ITPR3: variants seen among roughly 807,000 people sequenced by gnomAD.
The protein encoded by ITPR3 is inositol 1,4,5-trisphosphate receptor type 3, also known as inositol 1,4,5-trisphosphate-gated calcium channel ITPR3.
In ITPR3, 173 loss-of-function variants were observed where a neutral mutation model predicts 293.2. The ratio of observed to expected loss-of-function variants is 0.59; its 90% CI spans 0.52 to 0.67. ITPR3 has a LOEUF of 0.67. ITPR3 is among the 30% of genes least tolerant of loss of function. The pLI, the probability that ITPR3 is intolerant of heterozygous loss-of-function variation, is 0.00. For missense variants in ITPR3, 2,796 were observed against 3,592.1 expected (o/e 0.78, Z 5.66); for synonymous variants, 1,295 against 1,444.4 (o/e 0.90, Z 2.35).
At position 33,694,976 on chromosome 6, in the gene ITPR3, A is replaced by G. The variant is rs779401104; in HGVS notation, c.7838A>G (p.Asn2613Ser). Residue 2613 changes from asparagine to serine, a missense_variant, in exon 57 of 58, where the codon AAT becomes AGT. Asn to Ser is a conservative substitution (Grantham distance 46). This residue lies in a region of ITPR3 where 568 missense variants were observed against 796.1 expected (regional missense o/e 0.71). Coordinates refer to ENST00000605930, the MANE Select transcript of ITPR3 (RefSeq NM_002224.4). ...ATGCGGGCCATGTCCCTTGTCAGCA[A>G]TGAGGGCGAGGGGGAGCAGAATGAG... ...PRMRAMSLVSNEGEGEQNEIR... is the reference protein window; with the variant it reads ...PRMRAMSLVSSEGEGEQNEIR... The G allele has an allele frequency of 1.5e-5, 25 of 1,614,032 alleles. No homozygotes were observed. Among genetic ancestry groups the G allele is most frequent in the Admixed American group, 5.0e-5 (3 of 60,004 alleles).
intron 57 of ITPR3, chr6:33,695,504 TC>T (rs1241202327): frequency 8.4e-6 from 5 of 594,476 alleles, no homozygotes; most frequent in Non-Finnish European, 9.0e-6. Flanking sequence ...CTGCATCAAA[TC>T]CAGGGTTTGT....
In ITPR3 at chr6:33,655,651, G is replaced by A; in HGVS notation, c.161-115G>A. ...ACCGCTTCCTCTCTACCTGCAGCGGGGAACGGGGGTGGGGAAGGGTTGGGA... is the reference window on the plus strand; with the variant it reads ...ACCGCTTCCTCTCTACCTGCAGCGGAGAACGGGGGTGGGGAAGGGTTGGGA... On this transcript the variant is annotated intron_variant, in intron 2 of 57. Coordinates refer to ENST00000605930, the MANE Select transcript of ITPR3 (RefSeq NM_002224.4). The surrounding 1 kb of genome is among the most constrained non-coding windows in gnomAD (Gnocchi z 4.9). The A allele has an allele frequency of 2.2e-6, 3 of 1,372,432 alleles. No individual in the cohort carries two copies. Among genetic ancestry groups the A allele is most frequent in the Non-Finnish European group, 3.0e-6 (3 of 997,312 alleles). The allele number at this position is 1,372,432 out of a possible 1,614,324, so 85.0% of individuals were successfully genotyped here.
Position 33,692,590 on chromosome 6 carries a change from C to T in ITPR3, c.7459-138C>T. On this transcript the variant is annotated intron_variant, in intron 54 of 57. Coordinates refer to ENST00000605930, the MANE Select transcript of ITPR3 (RefSeq NM_002224.4). The surrounding 1 kb of genome is among the most constrained non-coding windows in gnomAD (Gnocchi z 4.2). The stretch of plus-strand genomic sequence containing the variant: ...GGGTCCACTCTGCCATCTGATGGCC[C>T]CCAGGCCAGAGGCCCTCATTTCCTT... 1.3e-6 allele frequency: 1 copy of T among 774,936 alleles called. No individual in the cohort carries two copies. Among genetic ancestry groups the T allele is most frequent in the Non-Finnish European group, 2.0e-6 (1 of 490,648 alleles). 48.0% of individuals were successfully genotyped at this position (774,936 alleles called of 1,614,324 possible). A position where few individuals can be genotyped will look rare whatever the true frequency, so the allele number is the denominator to read the frequency against.
At chr6:33,686,643 GCAT>G in intron 43 of ITPR3, 124 bp downstream of exon 43, 3 of 757,204 alleles carry the variant, frequency 4.0e-6, no homozygotes, top group Admixed American at 1.9e-5. Context: ...GTGTGATGGG[GCAT>G]CATCTGGATG....
chr6:33,684,473 C>G lies in ITPR3; in HGVS notation c.5046+8C>G. Reference sequence around the variant, plus strand: ...ACCAAGTACGGGGACCGGGTGAGTGCCCTGGTGGGGCAAGTGCTGGGTGGG... The same window carrying G: ...ACCAAGTACGGGGACCGGGTGAGTGGCCTGGTGGGGCAAGTGCTGGGTGGG... On this transcript the variant is annotated splice_region_variant and intron_variant, in intron 37 of 57. Transcript: ENST00000605930. This position sits in a 1 kb window ranked among gnomAD's most constrained non-coding sequence, Gnocchi z 4.2. The G allele has an allele frequency of 6.2e-7, 1 of 1,612,922 alleles. No individual in the cohort carries two copies. Among genetic ancestry groups the G allele is most frequent in the Non-Finnish European group, 8.5e-7 (1 of 1,178,986 alleles).
intron 1 of ITPR3, among the ~76,000 whole-genome samples, chr6:33,634,462 G>A (rs534225437): frequency 3.3e-5 from 5 of 152,142 alleles, no homozygotes; most frequent in South Asian, 2.1e-4. Flanking sequence ...CCTGCTTTCC[G>A]TAGCCCTGCC....
Position 33,666,866 on chromosome 6 carries a change from A to G in ITPR3, c.1552-263A>G, listed in dbSNP as rs369540314. Among the ~76,000 whole-genome samples, 428 of 152,208 alleles carry G rather than the reference A, an allele frequency of 2.8e-3. 1 individual carries two copies. The highest frequency in any genetic ancestry group is 9.4e-3 in the African/African-American group (392 of 41,528). ...TGCCGAGACCCTCTGCTCCTCCCCC[A>G]GGCCCCAGATCTGAGCTGGGATTAG... On this transcript the variant is annotated intron_variant, in intron 14 of 57. Transcript: ENST00000605930. This position sits in a 1 kb window ranked among gnomAD's most constrained non-coding sequence, Gnocchi z 5.1.
chr6:33,682,844 G>A lies in ITPR3; in HGVS notation c.4597+200G>A, dbSNP rs2296330. 0.22 allele frequency among the ~76,000 whole-genome samples: 33,823 copies of A among 152,122 alleles called. 4,947 individuals carry two copies. The highest frequency in any genetic ancestry group is 0.68 in the East Asian group (3,488 of 5,166). ...TTTTCTCCTCTGGGTCAGTTCCCCA[G>A]AGAAGGATGCTCGCCGACATTCTCC... is the stretch of plus-strand genomic sequence containing the variant. On this transcript the variant is annotated intron_variant, in intron 34 of 57. Transcript: ENST00000605930. This position sits in a 1 kb window ranked among gnomAD's most constrained non-coding sequence, Gnocchi z 5.4.
At position 33,689,409 on chromosome 6, in the gene ITPR3, A is replaced by G. The variant is rs747463814; in HGVS notation, c.6866A>G (p.Asn2289Ser). 11 of 1,608,500 alleles carry G rather than the reference A, an allele frequency of 6.8e-6. No individual in the cohort carries two copies. Among genetic ancestry groups the G allele is most frequent in the East Asian group, 2.2e-5 (1 of 44,876 alleles). ...GPTLNILGALNLTNKIVFVVS... is the reference protein window; with the variant it reads ...GPTLNILGALSLTNKIVFVVS... ...ACACTCAACATCCTGGGTGCCCTCAATGTGAGTGCCAGAGGGAGCCCCCAT... is the reference window on the plus strand; with the variant it reads ...ACACTCAACATCCTGGGTGCCCTCAGTGTGAGTGCCAGAGGGAGCCCCCAT... The change falls in exon 50 of 58, where the codon AAT becomes AGT. Residue 2289 changes from asparagine (N) to serine (S), a missense_variant and splice_region_variant. By Grantham distance (46) the Asn-to-Ser change is conservative. Coordinates refer to ENST00000605930, the MANE Select transcript of ITPR3 (RefSeq NM_002224.4).
intron 24 of ITPR3, 33 bp downstream of exon 24, chr6:33,674,298 G>C (rs763598667): frequency 6.2e-7 from 1 of 1,608,494 alleles, no homozygotes; most frequent in Non-Finnish European, 8.5e-7. Context: ...GGGGTGTGTG[G>C]GGTTGGGAGG....
rs150736026 is a variant in ITPR3 at position 33,678,653 on chromosome 6, G to C, written c.3786G>C (p.Glu1262Asp). The C allele has an allele frequency of 9.9e-6, 16 of 1,612,640 alleles. No individual in the cohort carries two copies. Among genetic ancestry groups the C allele is most frequent in the African/African-American group, 1.3e-5 (1 of 74,922 alleles). ...LFLTPGLLEA[E>D]TMQHIFLNNY... ...CCCCACTGCAGCTCCTGGAGGCAGA[G>C]ACCATGCAGCACATCTTCCTGAACA... The change falls in exon 30 of 58, where the codon GAG becomes GAC. Residue 1262 changes from glutamate to aspartate, a missense_variant. By Grantham distance (45) the Glu-to-Asp change is conservative. This residue lies in a region of ITPR3 where 344 missense variants were observed against 460.3 expected (regional missense o/e 0.75). Transcript: ENST00000605930.
rs546821406 is a variant in ITPR3, at chr6:33,633,157, C to T, written c.90-7327C>T. Among the ~76,000 whole-genome samples, 2 of 152,270 alleles carry T rather than the reference C, an allele frequency of 1.3e-5. No individual in the cohort carries two copies. The highest frequency in any genetic ancestry group is 1.9e-4 in the East Asian group (1 of 5,188). ...GGGGCGATGCCGGTGGTGGGCGTAGCGGGGCGTGGGCAGGGAACCACACGG... is the reference window on the plus strand; with the variant it reads ...GGGGCGATGCCGGTGGTGGGCGTAGTGGGGCGTGGGCAGGGAACCACACGG... On this transcript the variant is annotated intron_variant, in intron 1 of 57. Transcript: ENST00000605930. The surrounding 1 kb of genome is among the most constrained non-coding windows in gnomAD (Gnocchi z 5.2).
Position 33,688,442 on chromosome 6 carries a change from A to AG in ITPR3, c.6568+11_6568+12insG. The AG allele has an allele frequency of 3.9e-5, 12 of 310,736 alleles. No individual in the cohort carries two copies. Among genetic ancestry groups the AG allele is most frequent in the South Asian group, 8.5e-5 (3 of 35,116 alleles). 19.2% of individuals were successfully genotyped at this position (310,736 alleles called of 1,614,324 possible). ...AGCGCAAGCTCCGCAGTGAGGACCC[A>AG]CGGGCGGGAGGGTGGGGCGGTCTGG... On this transcript the variant is annotated intron_variant, in intron 48 of 57. Coordinates refer to ENST00000605930, the MANE Select transcript of ITPR3 (RefSeq NM_002224.4).
Position 33,686,415 on chromosome 6 carries a change from A to G in ITPR3, c.5875A>G (p.Ile1959Val), listed in dbSNP as rs754221684. 1.9e-6 allele frequency: 3 copies of G among 1,614,048 alleles called. No individual in the cohort carries two copies. Among genetic ancestry groups the G allele is most frequent in the Non-Finnish European group, 2.5e-6 (3 of 1,179,894 alleles). The change falls in exon 43 of 58, where the codon ATT becomes GTT. Residue 1959 changes from isoleucine to valine, a missense_variant. By Grantham distance (29) the Ile-to-Val change is conservative. Around this residue, in one of 8 missense-constraint regions of ITPR3, gnomAD observed 704 missense variants for 797.5 expected, o/e 0.88. Transcript: ENST00000605930. The stretch of plus-strand genomic sequence containing the variant: ...CCCCACTGCCTCCTGCCAGACTTGC[A>G]TTGTGACTCACGAGTCCAATGGCAT... ...QGPCHENQTC[I>V]VTHESNGIDI...
At chr6:33,695,573 G>A (rs547888437) in intron 57 of ITPR3, 139 bp from the exon 58 acceptor site, 11 of 764,986 alleles carry the variant, frequency 1.4e-5, no homozygotes, top group East Asian at 4.9e-5. Flanking sequence ...AAAGCACCCC[G>A]AGGGGCCCTG....
intron 55 of ITPR3, 144 bp downstream of exon 55, chr6:33,693,037 T>G: frequency 1.3e-6 from 1 of 782,380 alleles, no homozygotes; most frequent in Non-Finnish European, 2.0e-6. Context: ...ATCCCAGAAC[T>G]GGGGAGAACA....
chr6:33,638,902 G>A lies in ITPR3; in HGVS notation c.90-1582G>A, dbSNP rs1763884485. ...AAGCAGAGCTGAGGGTGGAAGGATGGAGTTTTGCTAGGCCTGTGGCTTCAT... is the reference window on the plus strand; with the variant it reads ...AAGCAGAGCTGAGGGTGGAAGGATGAAGTTTTGCTAGGCCTGTGGCTTCAT... On this transcript the variant is annotated intron_variant, in intron 1 of 57. Transcript: ENST00000605930. The surrounding 1 kb of genome is among the most constrained non-coding windows in gnomAD (Gnocchi z 4.3). Among the ~76,000 whole-genome samples, 1 of 152,198 alleles carries A rather than the reference G, an allele frequency of 6.6e-6. No homozygotes were observed. Among genetic ancestry groups the A allele is most frequent in the African/African-American group, 2.4e-5 (1 of 41,456 alleles).
intron 18 of ITPR3, among the ~76,000 whole-genome samples, chr6:33,669,579 A>G (rs1764702733): frequency 6.6e-6 from 1 of 152,218 alleles, no homozygotes; most frequent in Non-Finnish European, 1.5e-5. Context: ...CCTGGGTTAC[A>G]GAGAAAGACT....
At position 33,687,590 on chromosome 6, in the gene ITPR3, TGG is replaced by T; in HGVS notation, c.6264+30_6264+31del. 2.5e-6 allele frequency: 3 copies of T among 1,196,004 alleles called. No individual in the cohort carries two copies. Among genetic ancestry groups the T allele is most frequent in the Non-Finnish European group, 3.6e-6 (3 of 825,818 alleles). The allele number at this position is 1,196,004 out of a possible 1,614,324, so 74.1% of individuals were successfully genotyped here. A position where few individuals can be genotyped will look rare whatever the true frequency, so the allele number is the denominator to read the frequency against. ...GTGGGTGCTGGCCCCGAGACTGGGG[TGG>T]GGGTGGGGCCTGGAACCCAGGGAGG... is the stretch of plus-strand genomic sequence containing the variant. On this transcript the variant is annotated intron_variant, in intron 46 of 57. Coordinates refer to ENST00000605930, the MANE Select transcript of ITPR3 (RefSeq NM_002224.4). The surrounding 1 kb of genome is among the most constrained non-coding windows in gnomAD (Gnocchi z 5.3).
Sources: allele counts gnomAD v4.1 joint callset (sites outside exome capture counted in the v4.1 genomes callset), GRCh38; gene constraint gnomAD v4.1.1; regional missense constraint gnomAD v4.1.1; non-coding constraint Gnocchi (gnomAD v3.1); transcripts MANE v1.5; gene names NCBI Gene and HGNC (gene_info 2026-07-23, HGNC 2026-07-21).